The following ELFN2 variants were observed in gnomAD, a reference collection of about 807,000 sequenced individuals.
ELFN2 encodes the protein protein phosphatase 1 regulatory subunit 29.
Under a neutral mutation model 45.5 loss-of-function variants are expected in ELFN2, and 17 were observed. That is an observed-to-expected ratio of 0.37 (90% confidence interval 0.26 to 0.56). The LOEUF is 0.56. Among genes scored for constraint, ELFN2 ranks in the 20% least tolerant of loss-of-function variants. The pLI is 0.77. For missense variants in ELFN2, 922 were observed against 1,183.2 expected (o/e 0.78, Z 3.24); for synonymous variants, 550 against 551.5 (o/e 1.00, Z 0.04).
chr22:37,397,760 T>C (rs896781420), intron 2 of ELFN2, among the ~76,000 whole-genome samples: 2 of 151,776 alleles, frequency 1.3e-5, no homozygotes, highest in African/African-American at 4.8e-5. Context: ...TCTTCTTACA[T>C]TGGATCCAGG....
intron 2 of ELFN2, among the ~76,000 whole-genome samples, chr22:37,378,508 G>A (rs1601748837): frequency 6.6e-6 from 1 of 152,312 alleles, no homozygotes; most frequent in East Asian, 1.9e-4. Context: ...CATGTGGGAG[G>A]GGAGCTAGTC....
At chr22:37,348,271 G>A (rs949163871) in intron 1 of ELFN2, among the ~76,000 whole-genome samples, 11 of 152,210 alleles carry the variant, frequency 7.2e-5, no homozygotes, top group African/African-American at 2.4e-4. Flanking sequence ...ACCCTTGGGG[G>A]CTAGGGGTGC....
chr22:37,422,520 C>T lies in ELFN2; in HGVS notation c.-613-4601G>A, dbSNP rs1022240448. 2.6e-5 allele frequency among the ~76,000 whole-genome samples: 4 copies of T among 151,802 alleles called. No homozygotes were observed. In the South Asian group the frequency reaches 8.4e-4, roughly 32 times the overall value. ...AGGAGTTCGAGACCAGCCTAACCAA[C>T]ATAGTGAAACCTCGTCTCTACTAAA... On this transcript the variant is annotated intron_variant, in intron 1 of 2. Transcript: ENST00000402918.
intron 2 of ELFN2, among the ~76,000 whole-genome samples, chr22:37,391,992 C>T (rs932620760): frequency 2.0e-5 from 3 of 152,218 alleles, no homozygotes; most frequent in Non-Finnish European, 2.9e-5. Context: ...CTCTGCCCCA[C>T]GCACCTGCTG....
In ELFN2 at chr22:37,396,675, A is replaced by G. The variant is rs370868952; in HGVS notation, c.-462-20679T>C. 2.6e-4 allele frequency among the ~76,000 whole-genome samples: 39 copies of G among 151,116 alleles called. 1 individual carries two copies. In the South Asian group the frequency reaches 7.8e-3, roughly 30 times the overall value. ...AGGCGCCCCCTTCCTGCCCCGACCCACTAACCACTGCTGCTCCTCCAGGCT... is the reference window on the plus strand; with the variant it reads ...AGGCGCCCCCTTCCTGCCCCGACCCGCTAACCACTGCTGCTCCTCCAGGCT... On this transcript the variant is annotated intron_variant, in intron 2 of 2. Transcript: ENST00000402918.
chr22:37,373,414 C>A lies in ELFN2; in HGVS notation c.2121G>T (p.Glu707Asp). The A allele has an allele frequency of 6.3e-7, 1 of 1,585,138 alleles. No individual in the cohort carries two copies. The highest frequency in any genetic ancestry group is 8.6e-7 in the Non-Finnish European group (1 of 1,167,018). The change falls in exon 3 of 3, where the codon GAG (glutamate) becomes GAT (aspartate). Residue 707 changes from glutamate to aspartate, a missense_variant. Coordinates refer to ENST00000402918, the MANE Select transcript of ELFN2 (RefSeq NM_052906.5). ...ACAGGGCGGGAAAGCTGTGCCGGTGCTCGCTGCAGTGGTAGGCCGGCTTCA... is the reference window on the plus strand; with the variant it reads ...ACAGGGCGGGAAAGCTGTGCCGGTGATCGCTGCAGTGGTAGGCCGGCTTCA... The part of the protein sequence containing the change: ...LEVKPAYHCS[E>D]HRHSFPALYY...
At chr22:37,351,376 G>A (rs1023109424) in intron 1 of ELFN2, among the ~76,000 whole-genome samples, 1 of 150,340 alleles carries the variant, frequency 6.7e-6, no homozygotes, top group South Asian at 2.1e-4. Context: ...GGAAAATTGG[G>A]TGTCCAGAGC....
chr22:37,356,937 T>C (rs538117151), intron 1 of ELFN2, among the ~76,000 whole-genome samples: 1 of 152,352 alleles, frequency 6.6e-6, no homozygotes, highest in South Asian at 2.1e-4. Flanking sequence ...TCTGTTGTTA[T>C]CAGCGAGGAA....
downstream of ELFN2, among the ~76,000 whole-genome samples, chr22:37,365,990 A>G (rs928919258): frequency 3.3e-5 from 5 of 152,238 alleles, no homozygotes; most frequent in African/African-American, 1.2e-4. Flanking sequence ...GCATTAATTC[A>G]GAATTGGGGT....
In ELFN2 at chr22:37,347,398, A is replaced by G. The variant is rs570977762; in HGVS notation, n.149-4695T>C. Among the ~76,000 whole-genome samples, 4 of 152,206 alleles carry G rather than the reference A, an allele frequency of 2.6e-5. No individual in the cohort carries two copies. The East Asian group carries it at 5.8e-4, about 22-fold the overall frequency. ...TACTGCCTCGCTCAAGAAGCTTCAC[A>G]AGCTCCCGATTACCTGGCTGGACAA... is the stretch of plus-strand genomic sequence containing the variant. On this transcript the variant is annotated intron_variant and non_coding_transcript_variant, in intron 1 of 2. Transcript: ENST00000452946.
chr22:37,373,945 C>T lies in ELFN2; in HGVS notation c.1590G>A (p.Ser530=), dbSNP rs372178445. The change falls in exon 3 of 3, where the codon TCG becomes TCA. Residue 530 remains serine (S), a synonymous_variant. Transcript: ENST00000402918. ...DLPDLENGQG[S]AAEISTIAKE... ...TGGCAATGGTGGAGATCTCTGCAGC[C>T]GAGCCCTGGCCGTTCTCGAGGTCCG... 1.4e-5 allele frequency: 23 copies of T among 1,612,812 alleles called. 1 individual carries two copies. The Admixed American group carries it at 2.3e-4, about 16-fold the overall frequency.
chr22:37,374,792 C>T lies in ELFN2; in HGVS notation c.743G>A (p.Gly248Asp), dbSNP rs1931521031. The change falls in exon 3 of 3, where the codon GGC becomes GAC. Residue 248 changes from glycine (G) to aspartate (D), a missense_variant. Around this residue, in one of 2 missense-constraint regions of ELFN2, gnomAD observed 358 missense variants for 540.4 expected, o/e 0.66. Coordinates refer to ENST00000402918, the MANE Select transcript of ELFN2 (RefSeq NM_052906.5). ...ITVLQAKCRNGSLPARPVSHP... is the reference protein window; with the variant it reads ...ITVLQAKCRNDSLPARPVSHP... ...GCTCACGGGCCGGGCGGGCAGCGAGCCATTCCGACACTTGGCCTGGAGTAC... is the reference window on the plus strand; with the variant it reads ...GCTCACGGGCCGGGCGGGCAGCGAGTCATTCCGACACTTGGCCTGGAGTAC... 6.2e-7 allele frequency: 1 copy of T among 1,607,216 alleles called. No homozygotes were observed.
chr22:37,378,571 C>G (rs913161875), intron 2 of ELFN2, among the ~76,000 whole-genome samples: 71 of 152,358 alleles, frequency 4.7e-4, no homozygotes, highest in African/African-American at 1.7e-3. Context: ...CCGCCGTGCC[C>G]CAAGCCCAGC....
At chr22:37,341,256 G>A (rs779773079) in intron 2 of ELFN2, among the ~76,000 whole-genome samples, 2 of 152,172 alleles carry the variant, frequency 1.3e-5, no homozygotes, top group African/African-American at 2.4e-5. Flanking sequence ...GCGTAGGGCA[G>A]GAGCTGAAGG....
intron 2 of ELFN2, among the ~76,000 whole-genome samples, chr22:37,397,216 T>C (rs1022248963): frequency 6.6e-6 from 1 of 152,014 alleles, no homozygotes; most frequent in Non-Finnish European, 1.5e-5. Context: ...GGTCACTGTG[T>C]CCCCTCCAGA....
Position 37,374,253 on chromosome 22 carries a change from TCTC to T in ELFN2, c.1279_1281del (p.Glu427del), listed in dbSNP as rs1382495824. 3 of 1,613,756 alleles carry T rather than the reference TCTC, an allele frequency of 1.9e-6. No individual in the cohort carries two copies. In the Admixed American group the frequency reaches 5.0e-5, roughly 27 times the overall value. Reference sequence around the variant, plus strand: ...TTCTTGACGTTGACAGACTTCTGCTTCTCCTCCTGCATGCGCCGCTTGCGCAGG... The same window carrying T: ...TTCTTGACGTTGACAGACTTCTGCTTCTCCTGCATGCGCCGCTTGCGCAGG... On this transcript the variant is annotated inframe_deletion, in exon 3 of 3. Transcript: ENST00000402918.
At chr22:37,393,718 G>A (rs1006194915) in intron 2 of ELFN2, among the ~76,000 whole-genome samples, 5 of 152,098 alleles carry the variant, frequency 3.3e-5, no homozygotes, top group Non-Finnish European at 7.4e-5. Context: ...CCCAGGCCTC[G>A]CTGACTCGGG....
intron 1 of ELFN2, among the ~76,000 whole-genome samples, chr22:37,425,720 A>G (rs1205647982): frequency 6.6e-6 from 1 of 152,050 alleles, no homozygotes; most frequent in Non-Finnish European, 1.5e-5. Context: ...ACACAGTTGC[A>G]GGGCCCCCGG....
chr22:37,410,810 C>A (rs1029681479), intron 2 of ELFN2, among the ~76,000 whole-genome samples: 21 of 152,322 alleles, frequency 1.4e-4, no homozygotes, highest in African/African-American at 4.8e-4. Context: ...GGATGGAACC[C>A]ACGCGTCTAC....
Sources: allele counts gnomAD v4.1 joint callset (sites outside exome capture counted in the v4.1 genomes callset), GRCh38; gene constraint gnomAD v4.1.1; regional missense constraint gnomAD v4.1.1; transcripts MANE v1.5; gene names NCBI Gene and HGNC (gene_info 2026-07-23, HGNC 2026-07-21).